NALF1: variants seen among roughly 807,000 people sequenced by gnomAD.
The protein encoded by NALF1 is NALCN channel auxiliary factor 1.
Under a neutral mutation model 48.4 loss-of-function variants are expected in NALF1, and 3 were observed. The ratio of observed to expected loss-of-function variants is 0.06; its 90% confidence interval spans 0.03 to 0.16. NALF1 has a LOEUF of 0.16. Among genes scored for constraint, NALF1 ranks in the 10% least tolerant of loss-of-function variants. The probability of loss-of-function intolerance (pLI) is 1.00; values close to 1 mark genes in which losing one functional copy is unlikely to be tolerated. For synonymous variants in NALF1, 262 were observed against 245.7 expected (o/e 1.07, Z -0.62); for missense variants, 526 against 571.5 (o/e 0.92, Z 0.81).
intron 1 of NALF1, among the ~76,000 whole-genome samples, chr13:107,521,406 C>T (rs1213651675): frequency 2.0e-5 from 3 of 152,136 alleles, no homozygotes; most frequent in African/African-American, 7.2e-5. Context: ...TATAGTTTTT[C>T]CCCCGATCTC....
intron 2 of NALF1, among the ~76,000 whole-genome samples, chr13:107,194,466 T>C (rs1486080850): frequency 1.3e-5 from 2 of 152,124 alleles, no homozygotes; most frequent in South Asian, 2.1e-4. Flanking sequence ...AAAATATAAA[T>C]TGGGGAAAGG....
chr13:107,800,912 C>T (rs1229915441), intron 1 of NALF1, among the ~76,000 whole-genome samples: 4 of 151,710 alleles, frequency 2.6e-5, no homozygotes, highest in Non-Finnish European at 4.4e-5. Flanking sequence ...TGAGACAAAG[C>T]CTTTTATTTG....
intron 1 of NALF1, among the ~76,000 whole-genome samples, chr13:107,577,085 G>A (rs745417293): frequency 3.9e-5 from 6 of 152,166 alleles, no homozygotes; most frequent in Non-Finnish European, 5.9e-5. Flanking sequence ...GGGCAAACCA[G>A]GCTGGCATGA....
At chr13:107,728,974 T>C (rs1028406444) in intron 1 of NALF1, among the ~76,000 whole-genome samples, 23 of 152,148 alleles carry the variant, frequency 1.5e-4, no homozygotes, top group African/African-American at 4.8e-4. Context: ...GACTAAGAAG[T>C]TGCCCATATT....
rs148923366 is a variant in NALF1 at position 107,182,226 on chromosome 13, C to CTGTGTGTG, written c.1088-11448_1088-11441dup. Among the ~76,000 whole-genome samples, 546 of 145,226 alleles carry CTGTGTGTG rather than the reference C, an allele frequency of 3.8e-3. 5 individuals carry two copies. Among genetic ancestry groups the CTGTGTGTG allele is most frequent in the African/African-American group, 0.013 (514 of 38,416 alleles). ...GAGCATATTTATTTATTTATTTATG[C>CTGTGTGTG]TGTGTGTGTGTGTGTGTGTGTGTGT... is the stretch of plus-strand genomic sequence containing the variant. On this transcript the variant is annotated intron_variant, in intron 2 of 2. Transcript: ENST00000375915.
chr13:107,273,286 C>T (rs1157323101), intron 1 of NALF1, among the ~76,000 whole-genome samples: 2 of 152,186 alleles, frequency 1.3e-5, no homozygotes, highest in Non-Finnish European at 2.9e-5. Flanking sequence ...ACTGTGTATT[C>T]TTAACATTAA....
chr13:107,478,120 A>G (rs1419057766), intron 1 of NALF1, among the ~76,000 whole-genome samples: 1 of 152,122 alleles, frequency 6.6e-6, no homozygotes, highest in Non-Finnish European at 1.5e-5. Context: ...TCTAACTCTT[A>G]TTGCAGTAAC....
intron 1 of NALF1, among the ~76,000 whole-genome samples, chr13:107,443,176 C>CAA (rs1884592525): frequency 7.9e-6 from 1 of 126,300 alleles, no homozygotes; most frequent in Non-Finnish European, 1.6e-5. Context: ...AACAATCTAT[C>CAA]TATCTATCTA....
chr13:107,391,739 A>G (rs187686228), intron 1 of NALF1, among the ~76,000 whole-genome samples: 5 of 152,220 alleles, frequency 3.3e-5, no homozygotes, highest in African/African-American at 1.2e-4. Context: ...ATTTACCCAT[A>G]GCCTGGAAGC....
chr13:107,251,956 C>T (rs1880708806), intron 1 of NALF1, among the ~76,000 whole-genome samples: 1 of 152,082 alleles, frequency 6.6e-6, no homozygotes, highest in Non-Finnish European at 1.5e-5. Context: ...CTGAGTCTGC[C>T]TACAGAGTGT....
In NALF1 at chr13:107,266,710, A is replaced by G. The variant is rs146503285; in HGVS notation, c.916-55955T>C. On this transcript the variant is annotated intron_variant, in intron 1 of 2. Transcript: ENST00000375915. ...TTGACCAAAGTCCCAGCACCTCACA[A>G]TGCAATTTTTAGGGTCAAAAAAACC... 6.6e-5 allele frequency among the ~76,000 whole-genome samples: 10 copies of G among 152,322 alleles called. No individual in the cohort carries two copies. The East Asian group carries it at 1.7e-3, about 26-fold the overall frequency.
intron 1 of NALF1, among the ~76,000 whole-genome samples, chr13:107,852,301 T>C (rs1880340275): frequency 6.6e-6 from 1 of 152,172 alleles, no homozygotes; most frequent in Admixed American, 6.5e-5. Context: ...TTAAACTAGG[T>C]GCACTGTGGG....
chr13:107,795,417 A>G (rs1878389628), intron 1 of NALF1, among the ~76,000 whole-genome samples: 1 of 152,088 alleles, frequency 6.6e-6, no homozygotes, highest in Non-Finnish European at 1.5e-5. Context: ...CAGAGATTGG[A>G]AAGTGTCATT....
At chr13:107,354,174 G>A (rs891248335) in intron 1 of NALF1, among the ~76,000 whole-genome samples, 3 of 152,084 alleles carry the variant, frequency 2.0e-5, no homozygotes, top group Admixed American at 6.6e-5. Context: ...TACTTCCCTA[G>A]CTATGTGTCA....
rs1261176292 is a variant in NALF1, at chr13:107,687,588, G to A, written c.915+178094C>T. On this transcript the variant is annotated intron_variant, in intron 1 of 2. Coordinates refer to ENST00000375915, the MANE Select transcript of NALF1 (RefSeq NM_001080396.3). ...GAAGTGTAGGGAAATTAATTACAGT[G>A]ATATGTCTTATGTCTTATATATTCT... is the stretch of plus-strand genomic sequence containing the variant. Among the ~76,000 whole-genome samples, 3 of 151,898 alleles carry A rather than the reference G, an allele frequency of 2.0e-5. No homozygotes were observed. In the East Asian group the frequency reaches 5.8e-4, roughly 30 times the overall value.
intron 1 of NALF1, among the ~76,000 whole-genome samples, chr13:107,713,419 C>T (rs2138521106): frequency 6.6e-6 from 1 of 152,202 alleles, no homozygotes; most frequent in South Asian, 2.1e-4. Context: ...ATATTTCTGG[C>T]TTGTGTACTA....
chr13:107,646,348 T>A (rs1459363917), intron 1 of NALF1, among the ~76,000 whole-genome samples: 2 of 150,044 alleles, frequency 1.3e-5, no homozygotes, highest in Non-Finnish European at 3.0e-5. Context: ...CACATTCACA[T>A]CCTAACATAA....
At chr13:107,208,509 A>C (rs1213947793) in intron 2 of NALF1, among the ~76,000 whole-genome samples, 1 of 152,226 alleles carries the variant, frequency 6.6e-6, no homozygotes, top group African/African-American at 2.4e-5. Flanking sequence ...ATACAGATAC[A>C]TGTAGGAAAA....
intron 1 of NALF1, among the ~76,000 whole-genome samples, chr13:107,451,771 G>T (rs1356690348): frequency 1.3e-5 from 2 of 152,020 alleles, no homozygotes; most frequent in East Asian, 1.9e-4. Flanking sequence ...CACCCTCTTT[G>T]TCTATCCCTC....
Sources: allele counts gnomAD v4.1 joint callset (sites outside exome capture counted in the v4.1 genomes callset), GRCh38; gene constraint gnomAD v4.1.1; transcripts MANE v1.5; gene names NCBI Gene and HGNC (gene_info 2026-07-23, HGNC 2026-07-21).